Variants in MAD1L1 observed in about 807,000 individuals in gnomAD.
MAD1L1 encodes the protein mitotic arrest deficient 1 like 1, also known as mitotic spindle assembly checkpoint protein MAD1.
MAD1L1 carries 95 observed loss-of-function variants against 96.9 expected under a neutral mutation model. That is an observed-to-expected ratio of 0.98 (90% confidence interval 0.83 to 1.16). The LOEUF is 1.16. Ranked by LOEUF, MAD1L1 falls within the 50% of genes most tolerant of loss-of-function variation. MAD1L1 has a pLI of 0.00. For synonymous variants in MAD1L1, 473 were observed against 396.6 expected (o/e 1.19, Z -2.29); for missense variants, 1,007 against 954.4 (o/e 1.06, Z -0.73).
intron 18 of MAD1L1, among the ~76,000 whole-genome samples, chr7:1,858,542 G>A (rs1366742617): frequency 1.3e-5 from 2 of 152,224 alleles, no homozygotes; most frequent in African/African-American, 4.8e-5. Context: ...CCTGGGGTCA[G>A]CCCTGAAACT....
chr7:2,143,273 T>C lies in MAD1L1; in HGVS notation c.1073+5879A>G, dbSNP rs1309251379. 3.3e-5 allele frequency among the ~76,000 whole-genome samples: 5 copies of C among 149,914 alleles called. No homozygotes were observed. In the East Asian group the frequency reaches 9.9e-4, roughly 30 times the overall value. Reference sequence around the variant, plus strand: ...CCAGGAACCTGGGCCAGTGGTGGCTTCTCCAGCGGGAGGCCCCTCAAGTGC... The same window carrying C: ...CCAGGAACCTGGGCCAGTGGTGGCTCCTCCAGCGGGAGGCCCCTCAAGTGC... On this transcript the variant is annotated intron_variant, in intron 11 of 18. Transcript: ENST00000265854.
chr7:2,204,510 A>G (rs1297262826), intron 10 of MAD1L1, among the ~76,000 whole-genome samples: 1 of 152,110 alleles, frequency 6.6e-6, no homozygotes, highest in Non-Finnish European at 1.5e-5. Context: ...GCTTTCTATC[A>G]CTGTTGCTCA....
chr7:2,110,119 C>T (rs905334856), intron 11 of MAD1L1, among the ~76,000 whole-genome samples: 1 of 152,220 alleles, frequency 6.6e-6, no homozygotes, highest in Non-Finnish European at 1.5e-5. Flanking sequence ...TCCTAAGGCT[C>T]CCCTCCACTG....
chr7:1,837,319 C>T (rs1391087905), intron 18 of MAD1L1, among the ~76,000 whole-genome samples: 1 of 152,158 alleles, frequency 6.6e-6, no homozygotes, highest in Admixed American at 6.5e-5. Flanking sequence ...TACTGGTGAC[C>T]GTGTGCAGAA....
At chr7:2,143,906 T>C (rs1002908900) in intron 11 of MAD1L1, among the ~76,000 whole-genome samples, 1 of 152,156 alleles carries the variant, frequency 6.6e-6, no homozygotes, top group African/African-American at 2.4e-5. Context: ...GGGGCTCCCC[T>C]CTGTGGACTT....
At chr7:1,855,238 C>T (rs1036618400) in intron 18 of MAD1L1, among the ~76,000 whole-genome samples, 4 of 152,092 alleles carry the variant, frequency 2.6e-5, no homozygotes, top group East Asian at 1.9e-4. Context: ...CAGTGGCAGA[C>T]GGGGCCTGAG....
At chr7:1,959,954 TAATAG>T (rs1355531054) in intron 15 of MAD1L1, among the ~76,000 whole-genome samples, 1 of 152,196 alleles carries the variant, frequency 6.6e-6, no homozygotes, top group Non-Finnish European at 1.5e-5. Context: ...TTAAAGTGAT[TAATAG>T]ATTAAACAAA....
At chr7:1,969,573 T>G (rs73292440) in intron 15 of MAD1L1, among the ~76,000 whole-genome samples, 4,395 of 152,208 alleles carry the variant, frequency 0.029, 208 homozygotes, top group African/African-American at 0.1. Flanking sequence ...AAAGAAAAAG[T>G]GAAACTACTT....
chr7:1,966,387 G>A (rs751093074), intron 15 of MAD1L1, among the ~76,000 whole-genome samples: 8 of 152,178 alleles, frequency 5.3e-5, no homozygotes, highest in Non-Finnish European at 1.2e-4. Context: ...CTGAGGAGAT[G>A]GGGCTGGGTT....
chr7:1,922,540 C>T (rs1036411582), intron 17 of MAD1L1, among the ~76,000 whole-genome samples: 1 of 152,226 alleles, frequency 6.6e-6, no homozygotes, highest in Non-Finnish European at 1.5e-5. Flanking sequence ...TGAACTCGCT[C>T]GACTCGTTTT....
chr7:1,965,602 C>G (rs1204916940), intron 15 of MAD1L1, among the ~76,000 whole-genome samples: 2 of 152,244 alleles, frequency 1.3e-5, no homozygotes, highest in African/African-American at 4.8e-5. Context: ...ACCCTCCCTG[C>G]TCGGAGTATG....
At chr7:1,971,749 C>G (rs916620119) in intron 15 of MAD1L1, among the ~76,000 whole-genome samples, 1 of 152,054 alleles carries the variant, frequency 6.6e-6, no homozygotes, top group Non-Finnish European at 1.5e-5. Context: ...GGAAAGCTTC[C>G]AGACAGATGA....
At chr7:1,927,991 G>C (rs1789184931) in intron 17 of MAD1L1, among the ~76,000 whole-genome samples, 1 of 152,208 alleles carries the variant, frequency 6.6e-6, no homozygotes, top group African/African-American at 2.4e-5. Flanking sequence ...AGCACGTGGG[G>C]GGCAGCTACT....
intron 15 of MAD1L1, among the ~76,000 whole-genome samples, chr7:1,977,313 G>T (rs1268927326): frequency 6.6e-6 from 1 of 152,254 alleles, no homozygotes; most frequent in Non-Finnish European, 1.5e-5. Flanking sequence ...AGATGGGCCA[G>T]CAGTGCTGGG....
At chr7:1,915,531 C>T (rs1053014196) in intron 17 of MAD1L1, among the ~76,000 whole-genome samples, 9 of 152,310 alleles carry the variant, frequency 5.9e-5, no homozygotes, top group Middle Eastern at 3.4e-3. Flanking sequence ...CGGTGTTCCA[C>T]GGCGGGCTGG....
At chr7:2,037,015 G>A (rs990819473) in intron 12 of MAD1L1, among the ~76,000 whole-genome samples, 48 of 151,686 alleles carry the variant, frequency 3.2e-4, no homozygotes, top group Non-Finnish European at 5.6e-4. Context: ...CCACCCACGC[G>A]CAGAAGACCT....
chr7:2,215,354 G>A (rs1439258649), intron 9 of MAD1L1, among the ~76,000 whole-genome samples: 1 of 148,958 alleles, frequency 6.7e-6, no homozygotes, highest in East Asian at 2.0e-4. Flanking sequence ...TTCCAGCCTG[G>A]GGACAGGGCG....
intron 10 of MAD1L1, among the ~76,000 whole-genome samples, chr7:2,179,095 C>G (rs1363842518): frequency 6.6e-6 from 1 of 152,140 alleles, no homozygotes; most frequent in Non-Finnish European, 1.5e-5. Context: ...GATTTTTGAA[C>G]TCTGAAAACT....
chr7:1,881,601 C>T (rs1348518311), intron 18 of MAD1L1, among the ~76,000 whole-genome samples: 6 of 152,078 alleles, frequency 3.9e-5, no homozygotes, highest in Admixed American at 6.5e-5. Context: ...GGCACAACTG[C>T]GAAATAGCAC....
Sources: gnomAD v4.1 joint callset for allele counts (sites outside exome capture counted in the v4.1 genomes callset) on GRCh38, gnomAD v4.1.1 for gene constraint, MANE v1.5 for transcripts, NCBI Gene and HGNC (gene_info 2026-07-23, HGNC 2026-07-21) for gene names.